IPCEF1: variants seen among roughly 807,000 people sequenced by gnomAD.
The protein encoded by IPCEF1 is interaction protein for cytohesin exchange factors 1.
IPCEF1 carries 31 observed loss-of-function variants against 50.9 expected under a neutral mutation model. The ratio of observed to expected loss-of-function variants is 0.61; its 90% CI spans 0.46 to 0.82. The LOEUF (loss-of-function observed/expected upper bound fraction) is 0.82, where lower values mean the gene tolerates loss of function less well. IPCEF1 is among the 40% of genes least tolerant of loss of function. IPCEF1 has a pLI of 0.00. For synonymous variants in IPCEF1, 181 were observed against 192.0 expected, an observed-to-expected ratio of 0.94 and a Z score of 0.47; for missense variants, 458 against 514.0, an observed-to-expected ratio of 0.89 and a Z score of 1.05.
intron 10 of IPCEF1, among the ~76,000 whole-genome samples, chr6:154,181,438 G>A (rs1282419230): frequency 2.0e-5 from 3 of 152,138 alleles, no homozygotes; most frequent in Non-Finnish European, 2.9e-5. Flanking sequence ...ACAAACCTAG[G>A]TTGTGACTCC....
At chr6:154,340,983 T>C (rs566497689) in intron 1 of IPCEF1, among the ~76,000 whole-genome samples, 1 of 152,042 alleles carries the variant, frequency 6.6e-6, no homozygotes, top group South Asian at 2.1e-4. Context: ...AAAGTGTATA[T>C]ATATGTAAGA....
At chr6:154,257,671 T>G (rs531681863) in intron 3 of IPCEF1, among the ~76,000 whole-genome samples, 2 of 152,034 alleles carry the variant, frequency 1.3e-5, no homozygotes, top group East Asian at 3.9e-4. Flanking sequence ...TTTGCTTTTT[T>G]GTTTTGTTTT....
chr6:154,356,220 C>T (rs1784215134), intron 1 of IPCEF1, among the ~76,000 whole-genome samples: 1 of 152,288 alleles, frequency 6.6e-6, no homozygotes, highest in Admixed American at 6.5e-5. Flanking sequence ...GATATTTTGG[C>T]AAGCCTGAGA....
At chr6:154,315,717 T>A (rs1173733863) in intron 1 of IPCEF1, among the ~76,000 whole-genome samples, 4 of 152,176 alleles carry the variant, frequency 2.6e-5, no homozygotes, top group Non-Finnish European at 5.9e-5. Flanking sequence ...CAATCCCCCA[T>A]CTGTCTTCAA....
At chr6:154,232,029 T>G (rs1002262051) in intron 5 of IPCEF1, among the ~76,000 whole-genome samples, 6 of 152,206 alleles carry the variant, frequency 3.9e-5, no homozygotes, top group African/African-American at 1.4e-4. Context: ...GTTATTATCA[T>G]TTTTACATAG....
intron 1 of IPCEF1, among the ~76,000 whole-genome samples, chr6:154,300,626 A>C (rs1466986384): frequency 6.6e-6 from 1 of 152,162 alleles, no homozygotes; most frequent in African/African-American, 2.4e-5. Context: ...AAAACAACAA[A>C]AAAACACTAA....
intron 9 of IPCEF1, among the ~76,000 whole-genome samples, chr6:154,204,252 C>G (rs1303683858): frequency 1.3e-5 from 2 of 152,062 alleles, no homozygotes; most frequent in Non-Finnish European, 2.9e-5. Context: ...GTTTTTCAAA[C>G]ACAAGTTTGA....
intron 2 of IPCEF1, among the ~76,000 whole-genome samples, chr6:154,286,242 C>A (rs1266686040): frequency 2.6e-5 from 4 of 152,108 alleles, no homozygotes; most frequent in Non-Finnish European, 4.4e-5. Context: ...ATACCTAATG[C>A]ATGTGGGGCT....
intron 10 of IPCEF1, among the ~76,000 whole-genome samples, chr6:154,169,114 AC>A (rs1799667710): frequency 1.3e-5 from 2 of 151,426 alleles, no homozygotes. Context: ...TAATCCCAAC[AC>A]TTTGGGAGGC....
chr6:154,328,839 A>C (rs1783587623), intron 1 of IPCEF1, among the ~76,000 whole-genome samples: 1 of 152,194 alleles, frequency 6.6e-6, no homozygotes, highest in Admixed American at 6.5e-5. Context: ...AAAATTAAGC[A>C]ATTGAAGCAT....
intron 5 of IPCEF1, among the ~76,000 whole-genome samples, chr6:154,238,929 TTA>T (rs1780357020): frequency 6.6e-6 from 1 of 151,658 alleles, no homozygotes; most frequent in African/African-American, 2.4e-5. Flanking sequence ...GTTGTTTTTT[TTA>T]AAAAAAAAAA....
In IPCEF1 at chr6:154,158,499, T is replaced by C. The variant is rs1022055495; in HGVS notation, c.*1329A>G. The C allele has an allele frequency of 1.3e-5, 2 of 152,228 alleles. No individual in the cohort carries two copies. The highest frequency in any genetic ancestry group is 2.9e-5 in the Non-Finnish European group (2 of 68,044). The allele number at this position is 152,228 out of a possible 1,614,324, so 9.4% of individuals were successfully genotyped here. On this transcript the variant is annotated 3_prime_UTR_variant, in exon 12 of 12. Transcript: ENST00000367220. ...CTTAAAGTTTATTTAATAGAAAGGA[T>C]AATCTAAGATGAAAGTCCTTTGCTG...
intron 3 of IPCEF1, among the ~76,000 whole-genome samples, chr6:154,259,318 T>A (rs184946574): frequency 6.6e-6 from 1 of 152,304 alleles, no homozygotes; most frequent in Non-Finnish European, 1.5e-5. Flanking sequence ...TCATCCTCTT[T>A]CAACAAACCC....
intron 1 of IPCEF1, among the ~76,000 whole-genome samples, chr6:154,298,022 G>A (rs548047163): frequency 1.3e-5 from 2 of 152,372 alleles, no homozygotes; most frequent in South Asian, 2.1e-4. Flanking sequence ...AACATTTTCA[G>A]TGTTTGAAAA....
At chr6:154,200,856 T>A (rs1777010271) in intron 9 of IPCEF1, among the ~76,000 whole-genome samples, 1 of 152,118 alleles carries the variant, frequency 6.6e-6, no homozygotes, top group South Asian at 2.1e-4. Flanking sequence ...AGAGAAAACA[T>A]CAAAGCAACA....
chr6:154,189,693 G>A (rs72999477), intron 10 of IPCEF1, among the ~76,000 whole-genome samples: 2,058 of 152,056 alleles, frequency 0.014, 23 homozygotes, highest in South Asian at 0.041. Context: ...ACCGGGCCAG[G>A]CGCGGTGGCT....
chr6:154,163,661 G>A (rs1013244986), intron 11 of IPCEF1, among the ~76,000 whole-genome samples: 3 of 152,132 alleles, frequency 2.0e-5, no homozygotes, highest in Non-Finnish European at 4.4e-5. Flanking sequence ...GACATTCGTT[G>A]AATACTTGTT....
chr6:154,283,698 C>A (rs1403435717), intron 2 of IPCEF1, among the ~76,000 whole-genome samples: 1 of 152,166 alleles, frequency 6.6e-6, no homozygotes, highest in African/African-American at 2.4e-5. Context: ...CTAAAAGTTT[C>A]TCTAAAGAAA....
intron 10 of IPCEF1, among the ~76,000 whole-genome samples, chr6:154,180,401 TA>T (rs1309865918): frequency 1.2e-4 from 9 of 77,596 alleles, no homozygotes; most frequent in African/African-American, 4.0e-4. Context: ...TATATATATA[TA>T]TATATATATA....
Sources: allele counts gnomAD v4.1 joint callset (sites outside exome capture counted in the v4.1 genomes callset), GRCh38; gene constraint gnomAD v4.1.1; transcripts MANE v1.5; gene names NCBI Gene and HGNC (gene_info 2026-07-23, HGNC 2026-07-21).